CMSS1: variants seen among roughly 807,000 people sequenced by gnomAD.
CMSS1 encodes the protein protein CMSS1.
Under a neutral mutation model 43.5 loss-of-function variants are expected in CMSS1, and 33 were observed. The ratio of observed to expected loss-of-function variants is 0.76; its 90% CI spans 0.57 to 1.01. The LOEUF (loss-of-function observed/expected upper bound fraction) is 1.01. Among genes scored for constraint, CMSS1 ranks in the 50% least tolerant of loss-of-function variants. The probability of loss-of-function intolerance (pLI) is 0.00; values close to 1 mark genes in which losing one functional copy is unlikely to be tolerated. For synonymous variants in CMSS1, 115 were observed against 117.2 expected (o/e 0.98, Z 0.12); for missense variants, 313 against 326.4 (o/e 0.96, Z 0.32).
At chr3:100,151,332 C>G (rs956008513) in intron 2 of CMSS1, among the ~76,000 whole-genome samples, 10 of 152,182 alleles carry the variant, frequency 6.6e-5, no homozygotes, top group Admixed American at 2.0e-4. Context: ...TGTTATCTCA[C>G]AGACATGGCT....
intron 1 of CMSS1, among the ~76,000 whole-genome samples, chr3:100,084,796 A>C (rs1009243572): frequency 6.6e-6 from 1 of 152,238 alleles, no homozygotes; most frequent in Non-Finnish European, 1.5e-5. Flanking sequence ...TCATATTATC[A>C]TCTCAGAGCT....
chr3:99,828,671 G>C (rs977110822), intron 1 of CMSS1, among the ~76,000 whole-genome samples: 3 of 150,724 alleles, frequency 2.0e-5, no homozygotes, highest in Admixed American at 2.0e-4. Flanking sequence ...GCCCAGACTG[G>C]TCTTGAGCTC....
In CMSS1 at chr3:99,861,290, T is replaced by C. The variant is rs1944238752; in HGVS notation, c.64+43247T>C. On this transcript the variant is annotated intron_variant, in intron 1 of 9. Transcript: ENST00000421999. ...GATGTCCCCTTAATCCTCCAAAGCC[T>C]ACCTGGGCCTTCCACAGCCATGATG... Among the ~76,000 whole-genome samples, 4 of 152,310 alleles carry C rather than the reference T, an allele frequency of 2.6e-5. No individual in the cohort carries two copies. In the South Asian group the frequency reaches 8.3e-4, roughly 32 times the overall value.
chr3:99,931,012 G>A, intron 1 of CMSS1: 3 of 1,613,324 alleles, frequency 1.9e-6, no homozygotes, highest in Non-Finnish European at 1.7e-6. Flanking sequence ...CACTGCCTCT[G>A]GAACGCATTC....
intron 1 of CMSS1, among the ~76,000 whole-genome samples, chr3:99,907,391 G>A (rs1363048888): frequency 1.3e-5 from 2 of 152,082 alleles, no homozygotes; most frequent in Non-Finnish European, 1.5e-5. Context: ...GGGACTACAG[G>A]CGCCCACCAC....
chr3:99,928,780 T>C (rs1168927520), intron 1 of CMSS1, among the ~76,000 whole-genome samples: 1 of 152,216 alleles, frequency 6.6e-6, no homozygotes, highest in African/African-American at 2.4e-5. Flanking sequence ...ATAGTTAATA[T>C]GTTGGGAGCC....
chr3:100,159,794 G>A, intron 2 of CMSS1: 1 of 407,296 alleles, frequency 2.5e-6, no homozygotes, highest in Non-Finnish European at 5.0e-6. Context: ...AGGGGTCAAG[G>A]CAACAGGCAA....
chr3:100,169,878 T>G (rs1354002270), intron 6 of CMSS1, among the ~76,000 whole-genome samples: 1 of 152,208 alleles, frequency 6.6e-6, no homozygotes, highest in African/African-American at 2.4e-5. Flanking sequence ...AGCTATCAAA[T>G]TGATTTGAAC....
At position 100,176,327 on chromosome 3, in the gene CMSS1, G is replaced by A. The variant is rs559210605; in HGVS notation, c.668G>A (p.Gly223Asp). The change falls in exon 9 of 10, where the codon GGT (glycine) becomes GAT (aspartate). Residue 223 changes from glycine to aspartate, a missense_variant and splice_region_variant. By Grantham distance (94) the Gly-to-Asp change is moderately conservative (BLOSUM62 -1). Coordinates refer to ENST00000421999, the MANE Select transcript of CMSS1 (RefSeq NM_032359.4). ...GCAACTCTCTTCCTGTCTCTTTCAG[G>A]TGGCCTTAATTTGAGCCCCTTAAAA... ...PGRIKELVKQ[G>D]GLNLSPLKFL... The A allele has an allele frequency of 8.1e-5, 130 of 1,604,516 alleles. No homozygotes were observed. In the South Asian group the frequency reaches 1.3e-3, roughly 16 times the overall value.
At chr3:99,907,030 G>C (rs1307465665) in intron 1 of CMSS1, among the ~76,000 whole-genome samples, 1 of 152,058 alleles carries the variant, frequency 6.6e-6, no homozygotes, top group Non-Finnish European at 1.5e-5. Flanking sequence ...AAACTTGTTT[G>C]AATAATTAGA....
chr3:99,920,650 C>T (rs904868036), intron 1 of CMSS1, among the ~76,000 whole-genome samples: 9 of 152,336 alleles, frequency 5.9e-5, no homozygotes, highest in African/African-American at 2.2e-4. Context: ...CTTTCCTGAG[C>T]TGATCCCTGC....
At chr3:100,143,018 C>T (rs1187913174) in intron 1 of CMSS1, among the ~76,000 whole-genome samples, 1 of 152,116 alleles carries the variant, frequency 6.6e-6, no homozygotes, top group Non-Finnish European at 1.5e-5. Flanking sequence ...AGGCTACCAA[C>T]AGTGTAGAAA....
intron 2 of CMSS1, among the ~76,000 whole-genome samples, chr3:100,157,922 T>C (rs1429894241): frequency 6.6e-6 from 1 of 152,228 alleles, no homozygotes; most frequent in Non-Finnish European, 1.5e-5. Flanking sequence ...TCCAAAGTAC[T>C]GGACCTTCTC....
At chr3:100,144,507 C>T (rs895715279) in intron 1 of CMSS1, among the ~76,000 whole-genome samples, 1 of 152,116 alleles carries the variant, frequency 6.6e-6, no homozygotes, top group Admixed American at 6.5e-5. Context: ...GATAAAAATC[C>T]CAGCTCCCAG....
chr3:100,092,923 C>T (rs1008413832), intron 1 of CMSS1, among the ~76,000 whole-genome samples: 5 of 151,800 alleles, frequency 3.3e-5, no homozygotes. Flanking sequence ...GTTTAGCTAT[C>T]TATAAATATG....
intron 1 of CMSS1, among the ~76,000 whole-genome samples, chr3:99,823,332 A>G (rs1391428961): frequency 6.6e-6 from 1 of 152,232 alleles, no homozygotes; most frequent in Non-Finnish European, 1.5e-5. Context: ...TAGTTATTTA[A>G]TAGGGATGTC....
chr3:100,126,023 T>C (rs1490947072), intron 1 of CMSS1, among the ~76,000 whole-genome samples: 1 of 152,216 alleles, frequency 6.6e-6, no homozygotes, highest in Admixed American at 6.5e-5. Flanking sequence ...AAATAAGATA[T>C]AACGTCTGTA....
At chr3:100,175,605 C>T (rs1280078847) in intron 8 of CMSS1, among the ~76,000 whole-genome samples, 1 of 152,068 alleles carries the variant, frequency 6.6e-6, no homozygotes, top group East Asian at 1.9e-4. Context: ...TTAAATACTA[C>T]AGGGAAAAGC....
chr3:99,924,280 G>T (rs935681299), intron 1 of CMSS1: 1 of 1,613,846 alleles, frequency 6.2e-7, no homozygotes, highest in Admixed American at 1.7e-5. Flanking sequence ...TCTTCTCCAT[G>T]TATTCTTTAT....
Sources: allele counts gnomAD v4.1 joint callset (sites outside exome capture counted in the v4.1 genomes callset), GRCh38; gene constraint gnomAD v4.1.1; transcripts MANE v1.5; gene names NCBI Gene and HGNC (gene_info 2026-07-23, HGNC 2026-07-21).